Variants in COL4A5 observed in about 807,000 individuals in gnomAD.
COL4A5 encodes collagen type IV alpha 5 chain.
Under a neutral mutation model 130.2 loss-of-function variants are expected in COL4A5, and 26 were observed. That is an observed-to-expected ratio of 0.20 (90% CI 0.15 to 0.28). COL4A5 has a LOEUF of 0.28. Ranked by LOEUF, COL4A5 falls within the 10% of genes least tolerant of loss-of-function variation. The pLI is 1.00. For missense variants in COL4A5, 1,131 were observed against 1,344.3 expected, an observed-to-expected ratio of 0.84 and a Z score of 2.48; for synonymous variants, 496 against 439.6, an observed-to-expected ratio of 1.13 and a Z score of -1.60.
intron 36 of COL4A5, among the ~76,000 whole-genome samples, chrX:108,639,951 G>A (rs2067429116): frequency 2.7e-5 from 3 of 112,236 alleles, no homozygotes; most frequent in African/African-American, 6.5e-5. Flanking sequence ...ATGTAAAATT[G>A]TGCAGCCACT....
chrX:108,441,824 A>G (rs1310040539), intron 1 of COL4A5, among the ~76,000 whole-genome samples: 2 of 111,902 alleles, frequency 1.8e-5, no homozygotes, highest in Non-Finnish European at 3.8e-5. Flanking sequence ...CTTTTAACAA[A>G]TTTGCACCAG....
At chrX:108,638,924 G>A (rs1170598580) in intron 36 of COL4A5, among the ~76,000 whole-genome samples, 3 of 111,703 alleles carry the variant, frequency 2.7e-5, no homozygotes, top group Non-Finnish European at 5.7e-5. Context: ...AGGAATTAAA[G>A]AAGACAGAAA....
intron 30 of COL4A5, among the ~76,000 whole-genome samples, chrX:108,616,740 T>C (rs928618833): frequency 9.9e-5 from 11 of 111,294 alleles, no homozygotes; most frequent in Non-Finnish European, 1.7e-4. Context: ...TTTTCAGATT[T>C]ACCTGATACC....
chrX:108,460,914 C>T (rs994692343), intron 1 of COL4A5, among the ~76,000 whole-genome samples: 2 of 109,942 alleles, frequency 1.8e-5, no homozygotes, highest in Non-Finnish European at 3.8e-5. Flanking sequence ...CAGCCTCTCT[C>T]AATTCTATTT....
chrX:108,514,669 A>G (rs762616298), intron 1 of COL4A5, among the ~76,000 whole-genome samples: 1 of 112,268 alleles, frequency 8.9e-6, no homozygotes, highest in African/African-American at 3.2e-5. Context: ...TAGTAAGGTT[A>G]GTTTCAATCA....
chrX:108,639,279 A>G (rs1371960928), intron 36 of COL4A5, among the ~76,000 whole-genome samples: 3 of 111,344 alleles, frequency 2.7e-5, no homozygotes, highest in African/African-American at 6.5e-5. Flanking sequence ...AGGGTGCTCA[A>G]TGGGGAAAGG....
intron 1 of COL4A5, among the ~76,000 whole-genome samples, chrX:108,472,475 G>C (rs2064783040): frequency 9.0e-6 from 1 of 111,464 alleles, no homozygotes; most frequent in South Asian, 3.7e-4. Context: ...TTTAAATTCT[G>C]TCAAGATTTG....
chrX:108,590,422 CTAAA>C (rs1325770758), intron 19 of COL4A5, among the ~76,000 whole-genome samples: 62 of 110,930 alleles, frequency 5.6e-4, no homozygotes, highest in Middle Eastern at 9.3e-3. Flanking sequence ...TATAAAATTA[CTAAA>C]TAGAGAAATA....
chrX:108,689,365 CAGAGGAACCATTATA>C (rs1248822822), intron 49 of COL4A5: 1 of 747,613 alleles, frequency 1.3e-6, no homozygotes, highest in African/African-American at 2.3e-5. Context: ...ACCAGGTCAA[CAGAGGAACCATTATA>C]AGTTTTGAGC....
At chrX:108,590,563 T>C (rs998897001) in intron 19 of COL4A5, among the ~76,000 whole-genome samples, 8 of 111,430 alleles carry the variant, frequency 7.2e-5, no homozygotes, top group Non-Finnish European at 1.3e-4. Context: ...AACTGAAAAA[T>C]TTATTTAGAA....
chrX:108,444,409 C>T (rs769548758), intron 1 of COL4A5, among the ~76,000 whole-genome samples: 18 of 110,604 alleles, frequency 1.6e-4, no homozygotes, highest in Admixed American at 5.8e-4. Context: ...TTAGTAGAGA[C>T]GGGGTTTCAC....
At chrX:108,546,003 T>G (rs1217975803) in intron 2 of COL4A5, among the ~76,000 whole-genome samples, 1 of 111,984 alleles carries the variant, frequency 8.9e-6, no homozygotes, top group Admixed American at 9.4e-5. Flanking sequence ...TATGTGTGTC[T>G]CTGCACATGA....
chrX:108,490,977 G>C (rs1373767309), intron 1 of COL4A5, among the ~76,000 whole-genome samples: 1 of 111,815 alleles, frequency 8.9e-6, no homozygotes, highest in Non-Finnish European at 1.9e-5. Flanking sequence ...CAAAAGACAT[G>C]ATCTTGTTCT....
At chrX:108,482,274 A>G (rs1160623987) in intron 1 of COL4A5, among the ~76,000 whole-genome samples, 1 of 111,362 alleles carries the variant, frequency 9.0e-6, no homozygotes, top group Admixed American at 9.6e-5. Flanking sequence ...ACACTCTCAA[A>G]CTCACCTCTA....
intron 1 of COL4A5, among the ~76,000 whole-genome samples, chrX:108,506,097 A>G (rs2065120803): frequency 8.9e-6 from 1 of 111,963 alleles, no homozygotes; most frequent in Non-Finnish European, 1.9e-5. Flanking sequence ...AGTGTCCACA[A>G]GTTGGCTCCT....
At position 108,669,510 on chromosome X, in the gene COL4A5, T is replaced by C. The variant is rs192416680; in HGVS notation, c.3791-718T>C. Among the ~76,000 whole-genome samples, 25 of 112,015 alleles carry C rather than the reference T, an allele frequency of 2.2e-4. No homozygotes were observed. The East Asian group carries it at 7.0e-3, about 31-fold the overall frequency. On this transcript the variant is annotated intron_variant, in intron 41 of 52. Transcript: ENST00000328300. Reference sequence around the variant, plus strand: ...CCAAATTTTATCTGATCTGACATAATCTGATGGAAAGTATTGTTTAAGGTT... The same window carrying C: ...CCAAATTTTATCTGATCTGACATAACCTGATGGAAAGTATTGTTTAAGGTT...
intron 4 of COL4A5, among the ~76,000 whole-genome samples, chrX:108,568,198 C>T (rs1341639602): frequency 5.4e-5 from 6 of 111,524 alleles, no homozygotes; most frequent in Non-Finnish European, 1.1e-4. Flanking sequence ...AGAATATTGT[C>T]AAACTTGTAT....
chrX:108,529,381 C>T (rs184912970), intron 1 of COL4A5, among the ~76,000 whole-genome samples: 162 of 111,183 alleles, frequency 1.5e-3, no homozygotes, highest in Non-Finnish European at 2.6e-3. Flanking sequence ...AAGTATAAAA[C>T]TCACAGATAA....
rs996054460 is a variant in COL4A5, at chrX:108,453,689, A to G, written c.81+13483A>G. ...TACCGAGGCCAACTCCATCTTTTAC[A>G]TGAAAGTGATTAATGAAAGATGATA... On this transcript the variant is annotated intron_variant, in intron 1 of 52. Transcript: ENST00000328300. 2.7e-5 allele frequency among the ~76,000 whole-genome samples: 3 copies of G among 111,893 alleles called. No individual in the cohort carries two copies. The Admixed American group carries it at 2.9e-4, about 11-fold the overall frequency.
Sources: gnomAD v4.1 joint callset for allele counts (sites outside exome capture counted in the v4.1 genomes callset) on GRCh38, gnomAD v4.1.1 for gene constraint, MANE v1.5 for transcripts, NCBI Gene and HGNC (gene_info 2026-07-23, HGNC 2026-07-21) for gene names.